GALNT17: variants seen among roughly 807,000 people sequenced by gnomAD.
GALNT17 encodes polypeptide N-acetylgalactosaminyltransferase 17.
GALNT17 carries 29 observed loss-of-function variants against 63.7 expected under a neutral mutation model. That is an observed-to-expected ratio of 0.46 (90% CI 0.34 to 0.62). The LOEUF is 0.62. Among genes scored for constraint, GALNT17 ranks in the 20% least tolerant of loss-of-function variants. The pLI, the probability that GALNT17 is intolerant of heterozygous loss-of-function variation, is 0.01. For missense variants in GALNT17, 603 were observed against 799.6 expected (o/e 0.75, Z 2.97); for synonymous variants, 305 against 318.3 (o/e 0.96, Z 0.45).
chr7:71,461,314 T>C (rs1280797902), intron 5 of GALNT17, among the ~76,000 whole-genome samples: 1 of 152,196 alleles, frequency 6.6e-6, no homozygotes. Flanking sequence ...TAAAAATGAC[T>C]TGAAGGAAAA....
intron 1 of GALNT17, among the ~76,000 whole-genome samples, chr7:71,322,894 T>C (rs1018926589): frequency 2.0e-5 from 3 of 152,142 alleles, no homozygotes; most frequent in African/African-American, 7.2e-5. Context: ...TCTAGAACTA[T>C]GAGACATAAA....
intron 1 of GALNT17, among the ~76,000 whole-genome samples, chr7:71,223,318 G>T (rs114760854): frequency 0.015 from 2,259 of 152,196 alleles, 50 homozygotes; most frequent in African/African-American, 0.052. Context: ...CTGTAAGGAA[G>T]AATTGTCCCT....
chr7:71,271,668 C>G (rs1432199062), intron 1 of GALNT17, among the ~76,000 whole-genome samples: 2 of 152,176 alleles, frequency 1.3e-5, no homozygotes, highest in African/African-American at 2.4e-5. Flanking sequence ...TGTGGATTTA[C>G]CACCACAGTT....
intron 9 of GALNT17, among the ~76,000 whole-genome samples, chr7:71,694,317 A>G (rs1267305953): frequency 6.6e-6 from 1 of 151,858 alleles, no homozygotes; most frequent in Non-Finnish European, 1.5e-5. Flanking sequence ...AAACCGTATC[A>G]ATCTCCATAA....
Position 71,132,769 on chromosome 7 carries a change from G to T in GALNT17, c.-34G>T. ...GCGCCTCGCCGGAGCCCGAGGGGGC[G>T]CAGGTCCGGGGCGAGGGCCGGCCGG... On this transcript the variant is annotated 5_prime_UTR_variant, in exon 1 of 11. Coordinates refer to ENST00000333538, the MANE Select transcript of GALNT17 (RefSeq NM_022479.3). 6.5e-7 allele frequency: 1 copy of T among 1,541,322 alleles called. No homozygotes were observed. The highest frequency in any genetic ancestry group is 8.8e-7 in the Non-Finnish European group (1 of 1,136,818).
At chr7:71,138,652 C>T (rs890219525) in intron 1 of GALNT17, among the ~76,000 whole-genome samples, 1 of 152,020 alleles carries the variant, frequency 6.6e-6, no homozygotes, top group African/African-American at 2.4e-5. Context: ...AACATGATTG[C>T]GTGTAGGCTT....
intron 1 of GALNT17, among the ~76,000 whole-genome samples, chr7:71,290,208 C>T (rs1179501346): frequency 6.6e-6 from 1 of 152,162 alleles, no homozygotes; most frequent in East Asian, 1.9e-4. Flanking sequence ...TATTAGCAGT[C>T]AAATATATTG....
intron 1 of GALNT17, among the ~76,000 whole-genome samples, chr7:71,152,643 T>C (rs1408348229): frequency 6.6e-6 from 1 of 152,110 alleles, no homozygotes; most frequent in African/African-American, 2.4e-5. Context: ...CTTTCTTTTT[T>C]TTTTCTGAGA....
At chr7:71,141,610 C>T (rs1035724989) in intron 1 of GALNT17, among the ~76,000 whole-genome samples, 2 of 151,920 alleles carry the variant, frequency 1.3e-5, no homozygotes, top group Non-Finnish European at 2.9e-5. Flanking sequence ...CATCATATTC[C>T]CGAGACACTT....
Position 71,278,028 on chromosome 7 carries a change from G to A in GALNT17, c.239-57522G>A, listed in dbSNP as rs113476612. ...TTTTTATTTATGATACTTAAGAGGAGGTCAAGCTAGGCAGTTCAGCTTAGC... is the reference window on the plus strand; with the variant it reads ...TTTTTATTTATGATACTTAAGAGGAAGTCAAGCTAGGCAGTTCAGCTTAGC... On this transcript the variant is annotated intron_variant, in intron 1 of 10. Coordinates refer to ENST00000333538, the MANE Select transcript of GALNT17 (RefSeq NM_022479.3). 3.3e-4 allele frequency among the ~76,000 whole-genome samples: 51 copies of A among 152,254 alleles called. 2 individuals are homozygous for A. Among genetic ancestry groups the A allele is most frequent in the African/African-American group, 1.1e-3 (46 of 41,554 alleles).
chr7:71,198,254 T>A (rs1789095442), intron 1 of GALNT17, among the ~76,000 whole-genome samples: 1 of 149,578 alleles, frequency 6.7e-6, no homozygotes, highest in Non-Finnish European at 1.5e-5. Context: ...ATGGTGTGGG[T>A]TAAATTAGAA....
At chr7:71,151,767 T>C (rs1252471906) in intron 1 of GALNT17, among the ~76,000 whole-genome samples, 1 of 152,190 alleles carries the variant, frequency 6.6e-6, no homozygotes, top group Non-Finnish European at 1.5e-5. Flanking sequence ...GAAATATGGC[T>C]AAGTTGTTTG....
chr7:71,363,762 A>C (rs1563035596), intron 2 of GALNT17, among the ~76,000 whole-genome samples: 1 of 152,256 alleles, frequency 6.6e-6, no homozygotes, highest in African/African-American at 2.4e-5. Flanking sequence ...TAAGGACAGC[A>C]AAAGGAGAGT....
intron 3 of GALNT17, among the ~76,000 whole-genome samples, chr7:71,398,776 G>A (rs1021955176): frequency 6.6e-6 from 1 of 152,204 alleles, no homozygotes; most frequent in Non-Finnish European, 1.5e-5. Context: ...ACAATAATAG[G>A]TATGTACCTA....
chr7:71,251,728 T>G (rs73367977), intron 1 of GALNT17, among the ~76,000 whole-genome samples: 4,294 of 152,266 alleles, frequency 0.028, 205 homozygotes, highest in African/African-American at 0.098. Flanking sequence ...GATAATTCCT[T>G]TTGGACCTAT....
At chr7:71,490,238 T>C (rs575377315) in intron 5 of GALNT17, among the ~76,000 whole-genome samples, 2 of 147,124 alleles carry the variant, frequency 1.4e-5, no homozygotes, top group African/African-American at 5.1e-5. Flanking sequence ...GCCTGGGTGA[T>C]AGGGCGAGAC....
At chr7:71,285,984 G>T (rs1464565034) in intron 1 of GALNT17, among the ~76,000 whole-genome samples, 1 of 152,176 alleles carries the variant, frequency 6.6e-6, no homozygotes, top group South Asian at 2.1e-4. Flanking sequence ...ATCCCATAAA[G>T]CCAAACTAAA....
chr7:71,571,415 G>T lies in GALNT17; in HGVS notation c.1080+13G>T, dbSNP rs756565364. The T allele has an allele frequency of 6.2e-7, 1 of 1,606,828 alleles. No homozygotes were observed. Among genetic ancestry groups the T allele is most frequent in the Admixed American group, 1.7e-5 (1 of 59,972 alleles). On this transcript the variant is annotated intron_variant, in intron 6 of 10. Coordinates refer to ENST00000333538, the MANE Select transcript of GALNT17 (RefSeq NM_022479.3). ...ACTGGGAATCAAGGTTTGTGACATG[G>T]TGTCCCTTCCTCTTGGTGTGCCCAT... is the stretch of plus-strand genomic sequence containing the variant.
intron 6 of GALNT17, among the ~76,000 whole-genome samples, chr7:71,620,435 C>A (rs2116969943): frequency 6.6e-6 from 1 of 152,222 alleles, no homozygotes; most frequent in African/African-American, 2.4e-5. Context: ...TATGATCATG[C>A]CACTGCACTC....
Sources: allele counts gnomAD v4.1 joint callset (sites outside exome capture counted in the v4.1 genomes callset), GRCh38; gene constraint gnomAD v4.1.1; transcripts MANE v1.5; gene names NCBI Gene and HGNC (gene_info 2026-07-23, HGNC 2026-07-21).